TMEM161B: variants seen among roughly 807,000 people sequenced by gnomAD.
The protein encoded by TMEM161B is transmembrane protein 161B.
In TMEM161B, 34 loss-of-function variants were observed where a neutral mutation model predicts 61.8. That is an observed-to-expected ratio of 0.55 (90% CI 0.42 to 0.73). The LOEUF (loss-of-function observed/expected upper bound fraction) is 0.73. Ranked by LOEUF, TMEM161B falls within the 30% of genes least tolerant of loss-of-function variation. TMEM161B has a pLI of 0.00. For synonymous variants in TMEM161B, 167 were observed against 192.8 expected (o/e 0.87, Z 1.11); for missense variants, 456 against 558.5 (o/e 0.82, Z 1.85).
chr5:88,266,638 A>C (rs907761203), intron 1 of TMEM161B, among the ~76,000 whole-genome samples: 2 of 152,200 alleles, frequency 1.3e-5, no homozygotes, highest in Non-Finnish European at 2.9e-5. Context: ...TGGGGTCAAT[A>C]CTAATGTTCT....
rs375218954 is a variant in TMEM161B, at chr5:88,250,193, A to AAGAG, written c.4-9281_4-9278dup. On this transcript the variant is annotated intron_variant, in intron 1 of 11. Transcript: ENST00000296595. Reference sequence around the variant, plus strand: ...GCACAGAGAGAGAGAAAGAGAGAGAAAGAGAGAGAGAGAGAGAGAGACCGA... The same window carrying AAGAG: ...GCACAGAGAGAGAGAAAGAGAGAGAAAGAGAGAGAGAGAGAGAGAGAGAGACCGA... Among the ~76,000 whole-genome samples, 84 of 148,454 alleles carry AAGAG rather than the reference A, an allele frequency of 5.7e-4. 2 individuals are homozygous for AAGAG. Among genetic ancestry groups the AAGAG allele is most frequent in the Non-Finnish European group, 1.3e-4 (9 of 67,010 alleles).
intron 9 of TMEM161B, 195 bp downstream of exon 9, chr5:88,202,767 A>C: frequency 1.7e-6 from 1 of 596,144 alleles, no homozygotes; most frequent in Non-Finnish European, 3.0e-6. Flanking sequence ...ATAATCATTA[A>C]CATTAACTAA....
chr5:88,221,813 T>C (rs1580488887), intron 4 of TMEM161B: 2 of 452,086 alleles, frequency 4.4e-6, no homozygotes, highest in East Asian at 7.0e-5. Context: ...GATGTTCTTA[T>C]GGCACATAAT....
At chr5:88,252,040 T>G (rs1561418071) in intron 1 of TMEM161B, among the ~76,000 whole-genome samples, 1 of 152,182 alleles carries the variant, frequency 6.6e-6, no homozygotes, top group Admixed American at 6.6e-5. Context: ...ACAATAAATA[T>G]ACATATTAAA....
chr5:88,201,512 T>C (rs1744401975), intron 9 of TMEM161B: 2 of 152,156 alleles, frequency 1.3e-5, no homozygotes, highest in South Asian at 2.1e-4. Flanking sequence ...ATATGTAAAG[T>C]ATGAATATCT....
At chr5:88,205,743 C>T (rs1481314069) in intron 8 of TMEM161B, 71 bp downstream of exon 8, 26 of 1,514,616 alleles carry the variant, frequency 1.7e-5, no homozygotes, top group African/African-American at 9.8e-5. Flanking sequence ...GATTACATTA[C>T]AATATTATAC....
chr5:88,234,172 TC>T (rs1288125233), intron 2 of TMEM161B, among the ~76,000 whole-genome samples: 2 of 152,122 alleles, frequency 1.3e-5, no homozygotes, highest in Non-Finnish European at 2.9e-5. Context: ...ACAGGAATAA[TC>T]CAACTGAAAT....
In TMEM161B at chr5:88,205,733, G is replaced by T; in HGVS notation, c.800+81C>A. The T allele has an allele frequency of 1.1e-5, 16 of 1,454,984 alleles. No homozygotes were observed. The South Asian group carries it at 2.0e-4, about 18-fold the overall frequency. The allele number at this position is 1,454,984 out of a possible 1,614,324, so 90.1% of individuals were successfully genotyped here. On this transcript the variant is annotated intron_variant, in intron 8 of 11. Coordinates refer to ENST00000296595, the MANE Select transcript of TMEM161B (RefSeq NM_153354.5). Reference sequence around the variant, plus strand: ...ATTAATTTTCAATACAATAATTTATGATTACATTACAATATTATACCTTCA... The same window carrying T: ...ATTAATTTTCAATACAATAATTTATTATTACATTACAATATTATACCTTCA...
At chr5:88,205,057 A>G (rs1169117261) in intron 8 of TMEM161B, among the ~76,000 whole-genome samples, 1 of 152,212 alleles carries the variant, frequency 6.6e-6, no homozygotes, top group African/African-American at 2.4e-5. Context: ...TGCAAAACAA[A>G]ACGATGAGAC....
intron 1 of TMEM161B, among the ~76,000 whole-genome samples, chr5:88,245,521 C>G (rs935080869): frequency 1.3e-5 from 2 of 151,916 alleles, no homozygotes; most frequent in African/African-American, 4.8e-5. Flanking sequence ...AAAGAACTAA[C>G]AGCATTACAC....
chr5:88,210,067 A>G (rs1414286917), intron 5 of TMEM161B, among the ~76,000 whole-genome samples: 2 of 152,222 alleles, frequency 1.3e-5, no homozygotes, highest in Non-Finnish European at 2.9e-5. Context: ...CTCTAGACCT[A>G]GAGTGTCTGG....
intron 3 of TMEM161B, among the ~76,000 whole-genome samples, chr5:88,226,819 T>TTA (rs1750129304): frequency 6.6e-6 from 1 of 152,128 alleles, no homozygotes; most frequent in Non-Finnish European, 1.5e-5. Flanking sequence ...TTACAAGGCA[T>TTA]TATAATAAGG....
At chr5:88,263,254 T>C (rs1401102146) in intron 1 of TMEM161B, among the ~76,000 whole-genome samples, 1 of 152,148 alleles carries the variant, frequency 6.6e-6, no homozygotes, top group Non-Finnish European at 1.5e-5. Context: ...TCTATCCCCT[T>C]ACTCTCTCTG....
Position 88,206,612 on chromosome 5 carries a change from A to T in TMEM161B, c.599-113T>A, listed in dbSNP as rs944527082. 5.6e-6 allele frequency: 6 copies of T among 1,063,766 alleles called. No homozygotes were observed. The African/African-American group carries it at 9.7e-5, about 17-fold the overall frequency. The allele number at this position is 1,063,766 out of a possible 1,614,324, so 65.9% of individuals were successfully genotyped here. A position where few individuals can be genotyped will look rare whatever the true frequency, so the allele number is the denominator to read the frequency against. ...ACAGAGCATCTTAAATTTTGAAGTG[A>T]CTAGCTTAGCTCTTTCATGTGTTAA... On this transcript the variant is annotated intron_variant, in intron 6 of 11. Transcript: ENST00000296595.
At position 88,251,256 on chromosome 5, in the gene TMEM161B, A is replaced by G. The variant is rs549205052; in HGVS notation, c.4-10340T>C. 1.5e-4 allele frequency among the ~76,000 whole-genome samples: 23 copies of G among 152,210 alleles called. No individual in the cohort carries two copies. In the South Asian group the frequency reaches 4.8e-3, roughly 32 times the overall value. On this transcript the variant is annotated intron_variant, in intron 1 of 11. Coordinates refer to ENST00000296595, the MANE Select transcript of TMEM161B (RefSeq NM_153354.5). ...ATGGGTCTGCATGTGGTTAGTCTGA[A>G]AAACATCTCAAAAAAACCAATCTTA...
chr5:88,212,738 A>G (rs1170264418), intron 5 of TMEM161B, among the ~76,000 whole-genome samples: 3 of 152,210 alleles, frequency 2.0e-5, no homozygotes, highest in African/African-American at 7.2e-5. Context: ...CTGAGGCACA[A>G]GAATCACTTG....
In TMEM161B at chr5:88,195,374, A is replaced by AAT. The variant is rs1249731245; in HGVS notation, c.*835_*836dup. The AAT allele has an allele frequency of 1.4e-6, 1 of 711,644 alleles. No individual in the cohort carries two copies. The highest frequency in any genetic ancestry group is 1.3e-4 in the East Asian group (1 of 7,548). 44.1% of individuals were successfully genotyped at this position (711,644 alleles called of 1,614,324 possible). On this transcript the variant is annotated 3_prime_UTR_variant, in exon 12 of 12. Coordinates refer to ENST00000296595, the MANE Select transcript of TMEM161B (RefSeq NM_153354.5). The stretch of plus-strand genomic sequence containing the variant: ...TCAATATATTATATATTTAATATAT[A>AAT]ATATATATACAATACATACAGGTAG...
chr5:88,233,369 T>C (rs781281636), intron 2 of TMEM161B, among the ~76,000 whole-genome samples: 5 of 152,102 alleles, frequency 3.3e-5, no homozygotes, highest in Non-Finnish European at 5.9e-5. Flanking sequence ...AAGAAGAGCA[T>C]TTCAGGCAGA....
At chr5:88,250,012 T>C (rs1290304969) in intron 1 of TMEM161B, among the ~76,000 whole-genome samples, 1 of 152,178 alleles carries the variant, frequency 6.6e-6, no homozygotes, top group East Asian at 1.9e-4. Context: ...CCTATATCTA[T>C]GTTCTATCCT....
Sources: gnomAD v4.1 joint callset for allele counts (sites outside exome capture counted in the v4.1 genomes callset) on GRCh38, gnomAD v4.1.1 for gene constraint, MANE v1.5 for transcripts, NCBI Gene and HGNC (gene_info 2026-07-23, HGNC 2026-07-21) for gene names.